The following NCF1 variants were observed in gnomAD, a reference collection of about 807,000 sequenced individuals.
NCF1 encodes neutrophil cytosolic factor 1.
Under a neutral mutation model 34.9 loss-of-function variants are expected in NCF1, and 8 were observed. That is an observed-to-expected ratio of 0.23 (90% CI 0.13 to 0.41). The LOEUF (loss-of-function observed/expected upper bound fraction) is 0.41. Among genes scored for constraint, NCF1 ranks in the 10% least tolerant of loss-of-function variants. The pLI, the probability that NCF1 is intolerant of heterozygous loss-of-function variation, is 1.00. For missense variants in NCF1, 122 were observed against 362.4 expected (o/e 0.34, Z 5.39); for synonymous variants, 57 against 146.3 (o/e 0.39, Z 4.41).
intron 6 of NCF1, 23 bp downstream of exon 6, chr7:74,783,084 G>A: frequency 6.2e-7 from 1 of 1,607,836 alleles, no homozygotes; most frequent in Non-Finnish European, 8.5e-7. Flanking sequence ...ACCTTACGGG[G>A]CTCCTTCCCC....
In NCF1 at chr7:74,779,093, AG is replaced by A; in HGVS notation, c.166del (p.Glu56LysfsTer47). The A allele has an allele frequency of 8.4e-7, 1 of 1,189,826 alleles. No individual in the cohort carries two copies. The highest frequency in any genetic ancestry group is 1.2e-6 in the Non-Finnish European group (1 of 819,100). The allele number at this position is 1,189,826 out of a possible 1,614,324, so 73.7% of individuals were successfully genotyped here. On this transcript the variant is annotated frameshift_variant, in exon 3 of 11. Transcript: ENST00000289473. LOFTEE classifies it high-confidence loss of function. Reference protein sequence around the residue: ...EIYEFHKTLKEMFPIEAGAIN... With the variant: ...EIYEFHKTLKXMFPIEAGAIN... ...TTTTTAATGTTTAGAAAACCTTAAA[AG>A]AAATGTTCCCTATTGAGGCAGGGGC...
In NCF1 at chr7:74,783,055, G is replaced by A. The variant is rs782208737; in HGVS notation, c.568G>A (p.Glu190Lys). 1.9e-6 allele frequency: 3 copies of A among 1,611,488 alleles called. No homozygotes were observed. Among genetic ancestry groups the A allele is most frequent in the Non-Finnish European group, 1.7e-6 (2 of 1,179,642 alleles). ...GDVVEVVEKS[E>K]SGWWFCQMKA... ...CGTGGTGGAGGTCGTAGAGAAGAGC[G>A]AGAGCGGTCAGACCTCCCACCTTAC... The change falls in exon 6 of 11, where the codon GAG becomes AAG. Residue 190 changes from glutamate to lysine, a missense_variant. This residue lies in a region of NCF1 where 57 missense variants were observed against 89.3 expected (regional missense o/e 0.64). Transcript: ENST00000289473.
At chr7:74,785,623 C>A in intron 8 of NCF1, 2 of 362,592 alleles carry the variant, frequency 5.5e-6, no homozygotes, top group Non-Finnish European at 5.4e-6. Context: ...TGGCTCAGGC[C>A]TGTAATCCCA....
intron 7 of NCF1, among the ~76,000 whole-genome samples, chr7:74,783,898 G>T (rs1464884658): frequency 6.6e-6 from 1 of 151,788 alleles, no homozygotes; most frequent in Non-Finnish European, 1.5e-5. Context: ...GTGGGAAGCT[G>T]AAGGATGAGC....
In NCF1 at chr7:74,783,076, C is replaced by A. The variant is rs587768074; in HGVS notation, c.574+15C>A. 3.1e-6 allele frequency: 5 copies of A among 1,609,894 alleles called. No individual in the cohort carries two copies. The Admixed American group carries it at 5.0e-5, about 16-fold the overall frequency. ...GAGCGAGAGCGGTCAGACCTCCCAC[C>A]TTACGGGGCTCCTTCCCCTGGTGCT... On this transcript the variant is annotated intron_variant, in intron 6 of 10. Coordinates refer to ENST00000289473, the MANE Select transcript of NCF1 (RefSeq NM_000265.7).
At chr7:74,783,123 C>A (rs1796605262) in intron 6 of NCF1, 62 bp downstream of exon 6, 6 of 1,578,534 alleles carry the variant, frequency 3.8e-6, no homozygotes, top group African/African-American at 1.4e-5. Flanking sequence ...AGCCACAAGC[C>A]CCCTGCCAAG....
In NCF1 at chr7:74,787,052, G is replaced by C. The variant is rs587645677; in HGVS notation, c.801-932G>C. On this transcript the variant is annotated intron_variant, in intron 8 of 10. Coordinates refer to ENST00000289473, the MANE Select transcript of NCF1 (RefSeq NM_000265.7). ...CCATACTGGAAAAAAAAAAAAAAGA[G>C]CAAAAAACAAACCTAGACCCCTTCC... is the stretch of plus-strand genomic sequence containing the variant. Among the ~76,000 whole-genome samples, 7 of 147,006 alleles carry C rather than the reference G, an allele frequency of 4.8e-5. No individual in the cohort carries two copies. The Admixed American group carries it at 4.8e-4, about 10-fold the overall frequency.
In NCF1 at chr7:74,783,267, G is replaced by A. The variant is rs781834627; in HGVS notation, c.574+206G>A. On this transcript the variant is annotated intron_variant, in intron 6 of 10. Transcript: ENST00000289473. ...TGGGCATCTGTGCATGGCAGGCCGGGGCGGGGCATGTCTGCGTGTTCTGTC... is the reference window on the plus strand; with the variant it reads ...TGGGCATCTGTGCATGGCAGGCCGGAGCGGGGCATGTCTGCGTGTTCTGTC... 1.1e-4 allele frequency: 102 copies of A among 922,366 alleles called. 2 individuals carry two copies. The East Asian group carries it at 2.1e-3, about 19-fold the overall frequency. 57.1% of individuals were successfully genotyped at this position (922,366 alleles called of 1,614,324 possible).
intron 2 of NCF1, chr7:74,778,472 GA>G (rs1308339067): frequency 3.2e-4 from 129 of 404,172 alleles, no homozygotes; most frequent in African/African-American, 2.5e-3. Flanking sequence ...GGACAGACAA[GA>G]GTGGACGGGG....
At position 74,783,051 on chromosome 7, in the gene NCF1, G is replaced by C; in HGVS notation, c.564G>C (p.Lys188Asn). The C allele has an allele frequency of 6.2e-7, 1 of 1,611,496 alleles. No homozygotes were observed. Among genetic ancestry groups the C allele is most frequent in the South Asian group, 1.1e-5 (1 of 90,958 alleles). ...GGGACGTGGTGGAGGTCGTAGAGAA[G>C]AGCGAGAGCGGTCAGACCTCCCACC... ...STGDVVEVVEKSESGWWFCQM... is the reference protein window; with the variant it reads ...STGDVVEVVENSESGWWFCQM... Residue 188 changes from lysine (K) to asparagine (N), a missense_variant, in exon 6 of 11, where the codon AAG (lysine) becomes AAC (asparagine). By Grantham distance (94) the Lys-to-Asn change is moderately conservative. Around this residue, in one of 9 missense-constraint regions of NCF1, gnomAD observed 57 missense variants for 89.3 expected, o/e 0.64. Coordinates refer to ENST00000289473, the MANE Select transcript of NCF1 (RefSeq NM_000265.7).
At chr7:74,783,901 G>A (rs1375522333) in intron 7 of NCF1, among the ~76,000 whole-genome samples, 2 of 151,732 alleles carry the variant, frequency 1.3e-5, no homozygotes, top group African/African-American at 4.8e-5. Context: ...GGAAGCTGAA[G>A]GATGAGCAGA....
intron 3 of NCF1, 26 bp from the exon 4 acceptor site, chr7:74,779,231 C>G (rs1554413437): frequency 6.2e-7 from 1 of 1,611,046 alleles, no homozygotes; most frequent in South Asian, 1.1e-5. Flanking sequence ...CCCTCTCGGG[C>G]TTGACCTCAT....
rs1238530403 is a variant in NCF1 at position 74,788,702 on chromosome 7, T to G, written c.1049T>G (p.Leu350Arg). 2.6e-6 allele frequency: 4 copies of G among 1,549,392 alleles called. No homozygotes were observed. In the Admixed American group the frequency reaches 5.8e-5, roughly 22 times the overall value. Residue 350 changes from leucine to arginine, a missense_variant and splice_region_variant, in exon 10 of 11, where the codon CTC becomes CGC. By Grantham distance (102) the Leu-to-Arg change is moderately radical (BLOSUM62 -2). Around this residue, in one of 9 missense-constraint regions of NCF1, gnomAD observed 15 missense variants for 58.8 expected, o/e 0.25. Coordinates refer to ENST00000289473, the MANE Select transcript of NCF1 (RefSeq NM_000265.7). Reference sequence around the variant, plus strand: ...GGACCGCAGAGCCCCGGGAGCCCGCTCGGTGAGTGCAGCGGGAGAGGGCAG... The same window carrying G: ...GGACCGCAGAGCCCCGGGAGCCCGCGCGGTGAGTGCAGCGGGAGAGGGCAG... ...RPGPQSPGSP[L>R]EEERQTQRSK...
intron 8 of NCF1, chr7:74,785,611 A>G: frequency 2.7e-6 from 1 of 364,466 alleles, no homozygotes. Context: ...AGCTAGGCGC[A>G]ATGGCTCAGG....
intron 1 of NCF1, 113 bp from the exon 2 acceptor site, chr7:74,777,154 G>A (rs1211438335): frequency 1.7e-5 from 15 of 880,240 alleles, no homozygotes; most frequent in Admixed American, 1.6e-4. Context: ...CCGCAAAGAT[G>A]GTCCTCACCC....
At chr7:74,786,577 A>G (rs879966936) in intron 8 of NCF1, among the ~76,000 whole-genome samples, 1 of 151,968 alleles carries the variant, frequency 6.6e-6, no homozygotes, top group Admixed American at 6.6e-5. Flanking sequence ...TTTTGTAGGG[A>G]TGGGGTCTCA....
chr7:74,783,093 C>G, intron 6 of NCF1, 32 bp downstream of exon 6: 4 of 1,602,410 alleles, frequency 2.5e-6, no homozygotes, highest in Non-Finnish European at 3.4e-6. Flanking sequence ...GGCTCCTTCC[C>G]CTGGTGCTCA....
chr7:74,777,476 T>C (rs1796493634), intron 2 of NCF1, 129 bp downstream of exon 2: 3 of 809,166 alleles, frequency 3.7e-6, no homozygotes, highest in South Asian at 1.5e-5. Flanking sequence ...TTAAAGGGGA[T>C]TTATTTATTT....
chr7:74,785,604 T>C, intron 8 of NCF1: 1 of 362,994 alleles, frequency 2.8e-6, no homozygotes. Context: ...CATTCCTAGC[T>C]AGGCGCAATG....
Sources: allele counts gnomAD v4.1 joint callset (sites outside exome capture counted in the v4.1 genomes callset), GRCh38; gene constraint gnomAD v4.1.1; regional missense constraint gnomAD v4.1.1; transcripts MANE v1.5; gene names NCBI Gene and HGNC (gene_info 2026-07-23, HGNC 2026-07-21).